NANS: variants seen among roughly 807,000 people sequenced by gnomAD.
NANS encodes the protein N-acetylneuraminate synthase, also known as N-acetylneuraminate-9-phosphate synthase.
In NANS, 29 loss-of-function variants were observed where a neutral mutation model predicts 33.3. The observed-to-expected ratio is 0.87, with a 90% CI of 0.65 to 1.19. The LOEUF is 1.19. NANS is among the 50% of genes most tolerant of loss of function. The probability of loss-of-function intolerance (pLI) is 0.00; values close to 1 mark genes in which losing one functional copy is unlikely to be tolerated. For synonymous variants in NANS, 163 were observed against 177.2 expected (o/e 0.92, Z 0.64); for missense variants, 394 against 461.1 (o/e 0.85, Z 1.33).
At chr9:98,075,455 AAAGG>A (rs1829546700) in intron 2 of NANS, 1 of 138,612 alleles carries the variant, frequency 7.2e-6, no homozygotes, top group African/African-American at 2.7e-5. Flanking sequence ...GAAAGGGAGG[AAAGG>A]GAGGGAGGGA....
intron 1 of NANS, among the ~76,000 whole-genome samples, chr9:98,058,572 G>A (rs1039988778): frequency 6.6e-6 from 1 of 152,164 alleles, no homozygotes; most frequent in African/African-American, 2.4e-5. Flanking sequence ...GGAGCAGTCT[G>A]TTTTTCCTCT....
At chr9:98,066,126 A>G (rs1323801339) in intron 2 of NANS, among the ~76,000 whole-genome samples, 1 of 152,124 alleles carries the variant, frequency 6.6e-6, no homozygotes, top group Non-Finnish European at 1.5e-5. Context: ...GACCATACCT[A>G]GTGTTGAATC....
At chr9:98,070,075 C>T (rs1488888908) in intron 2 of NANS, among the ~76,000 whole-genome samples, 2 of 152,144 alleles carry the variant, frequency 1.3e-5, no homozygotes, top group African/African-American at 4.8e-5. Context: ...CTACCATTAT[C>T]TCAAAATTCA....
chr9:98,063,444 G>C (rs979670841), intron 2 of NANS, among the ~76,000 whole-genome samples: 1 of 151,980 alleles, frequency 6.6e-6, no homozygotes, highest in African/African-American at 2.4e-5. Flanking sequence ...GTTTCACCAT[G>C]TTGGCCAGGC....
intron 1 of NANS, among the ~76,000 whole-genome samples, chr9:98,059,120 T>C (rs1449582200): frequency 6.6e-6 from 1 of 151,454 alleles, no homozygotes; most frequent in Non-Finnish European, 1.5e-5. Flanking sequence ...GCCTCCTGGG[T>C]TCACACCGTT....
At chr9:98,080,598 T>C (rs550358679) in intron 4 of NANS, among the ~76,000 whole-genome samples, 2 of 152,330 alleles carry the variant, frequency 1.3e-5, no homozygotes, top group South Asian at 2.1e-4. Flanking sequence ...TTTTAGAGCA[T>C]TTACAATGTG....
Position 98,065,483 on chromosome 9 carries a change from ATTTTTTT to A in NANS, c.348+4507_348+4513del, listed in dbSNP as rs397837187. On this transcript the variant is annotated intron_variant, in intron 2 of 5. Coordinates refer to ENST00000210444, the MANE Select transcript of NANS (RefSeq NM_018946.4). ...AGGCGTCCACCACCATGCCCAGCTA[ATTTTTTT>A]TTTTTTTTTTTTTTTTTTTTGTATT... 9.2e-3 allele frequency among the ~76,000 whole-genome samples: 538 copies of A among 58,624 alleles called. 1 individual carries two copies. Among genetic ancestry groups the A allele is most frequent in the African/African-American group, 0.04 (423 of 10,532 alleles). 38.5% of individuals were successfully genotyped at this position (58,624 alleles called of 152,430 possible).
At chr9:98,074,315 A>C (rs1829483098) in intron 2 of NANS, among the ~76,000 whole-genome samples, 1 of 152,140 alleles carries the variant, frequency 6.6e-6, no homozygotes, top group African/African-American at 2.4e-5. Flanking sequence ...GCTATGGGGC[A>C]GGAGGGAGAG....
At chr9:98,057,846 T>A (rs1329531170) in intron 1 of NANS, among the ~76,000 whole-genome samples, 1 of 78,574 alleles carries the variant, frequency 1.3e-5, no homozygotes, top group African/African-American at 4.5e-5. Flanking sequence ...TATTTATTTA[T>A]CTATGTTAGA....
chr9:98,062,083 G>A (rs1031280564), intron 2 of NANS, among the ~76,000 whole-genome samples: 4 of 151,924 alleles, frequency 2.6e-5, no homozygotes, highest in African/African-American at 7.3e-5. Flanking sequence ...TTAGCCAGGC[G>A]TGGTGGCGTA....
intron 1 of NANS, among the ~76,000 whole-genome samples, chr9:98,057,992 G>A (rs1321861209): frequency 2.5e-5 from 3 of 119,476 alleles, no homozygotes; most frequent in Non-Finnish European, 4.8e-5. Context: ...GCATGATCCC[G>A]GCTCACTGCA....
At chr9:98,081,413 A>T in intron 5 of NANS, 1 of 264,576 alleles carries the variant, frequency 3.8e-6, no homozygotes, top group Non-Finnish European at 7.2e-6. Context: ...GCCCTGGAAT[A>T]AGTCAAGTCT....
chr9:98,070,903 C>G (rs1303854457), intron 2 of NANS, among the ~76,000 whole-genome samples: 1 of 151,550 alleles, frequency 6.6e-6, no homozygotes, highest in African/African-American at 2.4e-5. Flanking sequence ...CCTTGACGGC[C>G]CAGGCTCAAG....
In NANS at chr9:98,082,527, T is replaced by TAA. The variant is rs141620954; in HGVS notation, c.871-318_871-317dup. ...CAATCCTTACAGTCATCTGACAGGA[T>TAA]AAGTTTCCATTTGACAGAGAAACTA... On this transcript the variant is annotated intron_variant, in intron 5 of 5. Coordinates refer to ENST00000210444, the MANE Select transcript of NANS (RefSeq NM_018946.4). Among the ~76,000 whole-genome samples the TAA allele has an allele frequency of 4.6e-3, 701 of 152,368 alleles. 6 individuals carry two copies. Among genetic ancestry groups the TAA allele is most frequent in the African/African-American group, 0.016 (661 of 41,584 alleles).
intron 1 of NANS, among the ~76,000 whole-genome samples, chr9:98,057,999 T>G (rs990767253): frequency 5.3e-5 from 7 of 132,664 alleles, no homozygotes; most frequent in Non-Finnish European, 9.3e-5. Context: ...CCCGGCTCAC[T>G]GCAACCTCTG....
chr9:98,066,240 T>C (rs914727044), intron 2 of NANS, among the ~76,000 whole-genome samples: 1 of 152,196 alleles, frequency 6.6e-6, no homozygotes, highest in Non-Finnish European at 1.5e-5. Context: ...GTTTCCAAAG[T>C]GTGGTTCAGG....
Position 98,060,895 on chromosome 9 carries a change from G to A in NANS, c.246G>A (p.Gly82=). 1.2e-6 allele frequency: 2 copies of A among 1,614,188 alleles called. No homozygotes were observed. Among genetic ancestry groups the A allele is most frequent in the Non-Finnish European group, 1.7e-6 (2 of 1,180,046 alleles). Residue 82 remains glycine (G), a synonymous_variant, in exon 2 of 6, where the codon GGG becomes GGA. Coordinates refer to ENST00000210444, the MANE Select transcript of NANS (RefSeq NM_018946.4). ...TSKHSWGKTY[G]EHKRHLEFSH... ...AGCATTCCTGGGGGAAGACGTACGG[G>A]GAGCACAAACGACATCTGGAGTTCA...
In NANS at chr9:98,076,979, C is replaced by T; in HGVS notation, c.410C>T (p.Thr137Ile). ...VPFFKVGSGD[T>I]NNFPYLEKTA... ...TTTTTCAAAGTTGGATCTGGAGACA[C>T]TAATAATTTTCCTTATCTGGAAAAG... Residue 137 changes from threonine to isoleucine, a missense_variant, in exon 3 of 6, where the codon ACT becomes ATT. Physicochemically the swap from Thr to Ile is moderately conservative, Grantham distance 89. Transcript: ENST00000210444. The T allele has an allele frequency of 6.2e-7, 1 of 1,611,036 alleles. No individual in the cohort carries two copies. Among genetic ancestry groups the T allele is most frequent in the Non-Finnish European group, 8.5e-7 (1 of 1,179,090 alleles).
intron 1 of NANS, 42 bp from the exon 2 acceptor site, chr9:98,060,740 A>G: frequency 6.3e-7 from 1 of 1,597,102 alleles, no homozygotes; most frequent in Non-Finnish European, 8.6e-7. Flanking sequence ...TTTTTTGAGA[A>G]TCTACGACAG....
Sources: allele counts gnomAD v4.1 joint callset (sites outside exome capture counted in the v4.1 genomes callset), GRCh38; gene constraint gnomAD v4.1.1; transcripts MANE v1.5; gene names NCBI Gene and HGNC (gene_info 2026-07-23, HGNC 2026-07-21).